The following KLF12 variants were observed in gnomAD, a reference collection of about 807,000 sequenced individuals.
KLF12 encodes KLF transcription factor 12.
Under a neutral mutation model 37.8 loss-of-function variants are expected in KLF12, and 9 were observed. The observed-to-expected ratio is 0.24, with a 90% CI of 0.14 to 0.42. The LOEUF (loss-of-function observed/expected upper bound fraction) is 0.42, where lower values mean the gene tolerates loss of function less well. Ranked by LOEUF, KLF12 falls within the 10% of genes least tolerant of loss-of-function variation. The pLI, the probability that KLF12 is intolerant of heterozygous loss-of-function variation, is 1.00. For synonymous variants in KLF12, 208 were observed against 202.1 expected (o/e 1.03, Z -0.25); for missense variants, 411 against 516.0 (o/e 0.80, Z 1.97).
chr13:73,745,800 G>C (rs896019210), intron 6 of KLF12, among the ~76,000 whole-genome samples: 3 of 152,060 alleles, frequency 2.0e-5, no homozygotes, highest in Non-Finnish European at 4.4e-5. Context: ...ATATTTTCAA[G>C]ATACCCACCA....
At chr13:74,000,649 G>A (rs1469446294) in intron 1 of KLF12, among the ~76,000 whole-genome samples, 1 of 152,160 alleles carries the variant, frequency 6.6e-6, no homozygotes, top group Admixed American at 6.5e-5. Context: ...CCCAAAGCTT[G>A]AGCAGTCACT....
At chr13:73,741,773 T>C (rs1418064598) in intron 6 of KLF12, among the ~76,000 whole-genome samples, 1 of 152,190 alleles carries the variant, frequency 6.6e-6, no homozygotes, top group Non-Finnish European at 1.5e-5. Context: ...AAATATTCTA[T>C]CTACAGTTAA....
the KLF12 span, among the ~76,000 whole-genome samples, chr13:74,302,366 C>T: frequency 6.6e-6 from 1 of 152,148 alleles, no homozygotes; most frequent in Non-Finnish European, 1.5e-5. Flanking sequence ...GTGAAAAAGA[C>T]AGTGTTGGTT....
At chr13:74,135,436 G>A (rs901177394), upstream of KLF12, among the ~76,000 whole-genome samples, 1 of 151,810 alleles carries the variant, frequency 6.6e-6, no homozygotes, top group African/African-American at 2.4e-5. Context: ...CTCCCTCCCC[G>A]CCTCCGCGCC....
chr13:74,229,569 T>C, the KLF12 span, among the ~76,000 whole-genome samples: 1 of 152,220 alleles, frequency 6.6e-6, no homozygotes, highest in Non-Finnish European at 1.5e-5. Context: ...GGTAAGAGTT[T>C]ATGAGATAGT....
the KLF12 span, among the ~76,000 whole-genome samples, chr13:74,145,608 C>T: frequency 1.3e-5 from 2 of 152,190 alleles, no homozygotes. Flanking sequence ...CTATCTCTTA[C>T]AATCATGTGC....
At chr13:74,146,456 GA>G in the KLF12 span, among the ~76,000 whole-genome samples, 1 of 152,066 alleles carries the variant, frequency 6.6e-6, no homozygotes, top group South Asian at 2.1e-4. Context: ...TACAAAGCTT[GA>G]AAAAACTCTA....
At chr13:73,787,340 C>G (rs1218030261) in intron 5 of KLF12, among the ~76,000 whole-genome samples, 2 of 152,140 alleles carry the variant, frequency 1.3e-5, no homozygotes, top group African/African-American at 4.8e-5. Context: ...TGTCCCAGGT[C>G]ATGTAGTTAG....
intron 3 of KLF12, among the ~76,000 whole-genome samples, chr13:73,906,662 T>C (rs747347503): frequency 2.2e-4 from 33 of 152,172 alleles, no homozygotes; most frequent in Non-Finnish European, 3.5e-4. Flanking sequence ...AGTGTTTAAA[T>C]TCTCAGTTTC....
chr13:73,737,612 T>A (rs1011182752), intron 6 of KLF12, among the ~76,000 whole-genome samples: 1 of 152,178 alleles, frequency 6.6e-6, no homozygotes, highest in African/African-American at 2.4e-5. Context: ...ACGAAGTTCA[T>A]ACTAATTAGA....
At chr13:74,198,890 G>C in the KLF12 span, among the ~76,000 whole-genome samples, 29 of 152,294 alleles carry the variant, frequency 1.9e-4, 1 homozygote, top group South Asian at 6.0e-3. Flanking sequence ...GACATAGGAG[G>C]TATCTGGATG....
At chr13:74,119,330 C>G (rs906191044) in intron 1 of KLF12, among the ~76,000 whole-genome samples, 1 of 97,262 alleles carries the variant, frequency 1.0e-5, no homozygotes, top group Admixed American at 1.1e-4. Flanking sequence ...AGACTCTTAT[C>G]GCAAAAAAAA....
chr13:74,110,489 T>C (rs1876910003), intron 1 of KLF12, among the ~76,000 whole-genome samples: 1 of 152,204 alleles, frequency 6.6e-6, no homozygotes, highest in African/African-American at 2.4e-5. Context: ...AACAATACCA[T>C]CTACTATCTT....
intron 3 of KLF12, among the ~76,000 whole-genome samples, chr13:73,858,305 CTAGTAT>C (rs1337662468): frequency 6.6e-6 from 1 of 152,146 alleles, no homozygotes; most frequent in Non-Finnish European, 1.5e-5. Context: ...AAGTGTGTCA[CTAGTAT>C]AAGTTTTAGA....
chr13:73,977,942 G>C (rs866923667), intron 2 of KLF12, among the ~76,000 whole-genome samples: 8 of 152,174 alleles, frequency 5.3e-5, no homozygotes, highest in South Asian at 2.1e-4. Context: ...TCTAGCCACA[G>C]AGCTTATACC....
chr13:73,899,195 C>T (rs1185981588), intron 3 of KLF12, among the ~76,000 whole-genome samples: 2 of 152,124 alleles, frequency 1.3e-5, no homozygotes, highest in African/African-American at 4.8e-5. Context: ...AAGAGGTCCT[C>T]TAAGAAGGTG....
intron 2 of KLF12, among the ~76,000 whole-genome samples, chr13:73,987,738 G>A (rs1271101210): frequency 7.0e-6 from 1 of 142,676 alleles, no homozygotes; most frequent in Non-Finnish European, 1.5e-5. Context: ...GAAGTGGGAG[G>A]AAAGAGGAAG....
Position 73,846,128 on chromosome 13 carries a change from T to C in KLF12, c.369A>G (p.Leu123=), listed in dbSNP as rs756249079. Residue 123 remains leucine (L), a synonymous_variant, in exon 4 of 8, where the codon CTA becomes CTG. Coordinates refer to ENST00000377669, the MANE Select transcript of KLF12 (RefSeq NM_007249.5). ...ATGTGATAACAGTTGGGGATGAGGC[T>C]AGACGACTAGAAGACGATGAAGAGG... is the stretch of plus-strand genomic sequence containing the variant. The C allele has an allele frequency of 1.7e-5, 28 of 1,613,962 alleles. No individual in the cohort carries two copies. The highest frequency in any genetic ancestry group is 2.4e-5 in the Non-Finnish European group (28 of 1,180,012).
chr13:74,294,716 G>A, the KLF12 span, among the ~76,000 whole-genome samples: 6 of 152,002 alleles, frequency 3.9e-5, no homozygotes, highest in Non-Finnish European at 8.8e-5. Context: ...TTGTTCTGAG[G>A]TATATTCACA....
Sources: allele counts gnomAD v4.1 joint callset (sites outside exome capture counted in the v4.1 genomes callset), GRCh38; gene constraint gnomAD v4.1.1; transcripts MANE v1.5; gene names NCBI Gene and HGNC (gene_info 2026-07-23, HGNC 2026-07-21).